WWP2: variants seen among roughly 807,000 people sequenced by gnomAD.
WWP2 encodes NEDD4-like E3 ubiquitin-protein ligase WWP2.
In WWP2, 57 loss-of-function variants were observed where a neutral mutation model predicts 121.0. The observed-to-expected ratio is 0.47, with a 90% CI of 0.38 to 0.59. The LOEUF is 0.59. Among genes scored for constraint, WWP2 ranks in the 20% least tolerant of loss-of-function variants. The pLI is 0.00. For synonymous variants in WWP2, 449 were observed against 441.3 expected, an observed-to-expected ratio of 1.02 and a Z score of -0.22; for missense variants, 962 against 1,158.9, an observed-to-expected ratio of 0.83 and a Z score of 2.47.
chr16:69,885,260 A>G (rs1258633513), intron 7 of WWP2, among the ~76,000 whole-genome samples: 1 of 152,162 alleles, frequency 6.6e-6, no homozygotes, highest in African/African-American at 2.4e-5. Flanking sequence ...ATTGAGTAAA[A>G]TGTATAGCTG....
At chr16:69,912,998 T>A (rs1443165824) in intron 9 of WWP2, among the ~76,000 whole-genome samples, 28 of 1,906 alleles carry the variant, frequency 0.015, no homozygotes, top group Non-Finnish European at 0.018. Context: ...ATATATATTT[T>A]TTTTTTTTTT....
At chr16:69,885,422 G>A (rs889898264) in intron 7 of WWP2, among the ~76,000 whole-genome samples, 2 of 152,196 alleles carry the variant, frequency 1.3e-5, no homozygotes, top group Non-Finnish European at 1.5e-5. Flanking sequence ...TGTGTACCAG[G>A]CAATATTTTA....
At position 69,772,750 on chromosome 16, in the gene WWP2, C is replaced by T. The variant is rs145912696; in HGVS notation, c.-16+10359C>T. On this transcript the variant is annotated intron_variant, in intron 1 of 23. Transcript: ENST00000359154. ...GGGGAGGTGCTTTTGGTGCCTCTTC[C>T]CTGTTTCAGCCAGTCTTCAGTCTGG... Among the ~76,000 whole-genome samples, 985 of 152,082 alleles carry T rather than the reference C, an allele frequency of 6.5e-3. 14 individuals are homozygous for T. Among genetic ancestry groups the T allele is most frequent in the African/African-American group, 0.023 (947 of 41,466 alleles).
At chr16:69,762,425 T>C (rs1417027024) in intron 1 of WWP2, 34 bp downstream of exon 1, 1 of 135,882 alleles carries the variant, frequency 7.4e-6, no homozygotes, top group African/African-American at 2.7e-5. Context: ...CGCGGTGGGC[T>C]GGCTGCCTGC....
rs1001325808 is a variant in WWP2, at chr16:69,931,646, C to T, written c.1593+66C>T. The T allele has an allele frequency of 5.0e-6, 8 of 1,603,448 alleles. No individual in the cohort carries two copies. The Admixed American group carries it at 8.3e-5, about 17-fold the overall frequency. ...CTCCTCCCAGCACCCCATCTCCTAT[C>T]GCGTGGCCTGTTAAACCCACACTGC... On this transcript the variant is annotated intron_variant, in intron 15 of 23. Coordinates refer to ENST00000359154, the MANE Select transcript of WWP2 (RefSeq NM_001270454.2).
intron 1 of WWP2, among the ~76,000 whole-genome samples, chr16:69,784,091 C>CTTTTTT (rs61650147): frequency 9.9e-5 from 6 of 60,862 alleles, no homozygotes; most frequent in African/African-American, 2.0e-4. Flanking sequence ...TTCTTTCTTT[C>CTTTTTT]TTTTTTTTTT....
At chr16:69,863,609 C>G (rs746118048) in intron 6 of WWP2, among the ~76,000 whole-genome samples, 18 of 152,198 alleles carry the variant, frequency 1.2e-4, no homozygotes, top group Non-Finnish European at 2.2e-4. Context: ...CCACTTCACT[C>G]CAGCCTGGGT....
At chr16:69,830,297 G>T (rs1451581142) in intron 4 of WWP2, among the ~76,000 whole-genome samples, 4 of 151,990 alleles carry the variant, frequency 2.6e-5, no homozygotes, top group African/African-American at 9.7e-5. Flanking sequence ...TCACTTTGTT[G>T]CCCAGGCTGG....
At chr16:69,773,725 GCCCACATCAGCCT>G (rs2055467113) in intron 1 of WWP2, among the ~76,000 whole-genome samples, 1 of 150,412 alleles carries the variant, frequency 6.6e-6, no homozygotes, top group East Asian at 2.0e-4. Context: ...CAAGCAGTCT[GCCCACATCAGCCT>G]CCCAAAGTGC....
rs377273614 is a variant in WWP2 at position 69,793,569 on chromosome 16, G to A, written c.71-5113G>A. 9.9e-5 allele frequency among the ~76,000 whole-genome samples: 15 copies of A among 152,024 alleles called. No homozygotes were observed. In the East Asian group the frequency reaches 1.5e-3, roughly 16 times the overall value. ...TGGTTGGGGATGAGATTATAGAGGT[G>A]TGGAAAATGGTCCTGTGCTGAGTCC... On this transcript the variant is annotated intron_variant, in intron 2 of 23. Coordinates refer to ENST00000359154, the MANE Select transcript of WWP2 (RefSeq NM_001270454.2).
intron 4 of WWP2, among the ~76,000 whole-genome samples, chr16:69,818,181 G>T (rs918865110): frequency 9.9e-5 from 15 of 151,308 alleles, no homozygotes; most frequent in African/African-American, 3.1e-4. Context: ...TTATATTTTA[G>T]ATTTTATTTT....
At chr16:69,780,967 G>A (rs2055652023) in intron 1 of WWP2, among the ~76,000 whole-genome samples, 1 of 152,208 alleles carries the variant, frequency 6.6e-6, no homozygotes, top group African/African-American at 2.4e-5. Context: ...GGTCAAGGTT[G>A]TAGTGAGCTA....
chr16:69,792,695 ATTC>A (rs1005396519), intron 2 of WWP2, among the ~76,000 whole-genome samples: 1 of 152,108 alleles, frequency 6.6e-6, no homozygotes, highest in African/African-American at 2.4e-5. Flanking sequence ...CTTATGTAGT[ATTC>A]TTCTTTCTTT....
chr16:69,866,514 CAATT>C (rs1209709888), intron 6 of WWP2, among the ~76,000 whole-genome samples: 1 of 152,030 alleles, frequency 6.6e-6, no homozygotes, highest in Non-Finnish European at 1.5e-5. Flanking sequence ...CTTTCTCACT[CAATT>C]AGTTTGGCTA....
chr16:69,818,802 G>C (rs1376099797), intron 4 of WWP2, among the ~76,000 whole-genome samples: 1 of 152,058 alleles, frequency 6.6e-6, no homozygotes, highest in Admixed American at 6.6e-5. Flanking sequence ...GGTGCTCCAT[G>C]GTGGCTTTGT....
intron 8 of WWP2, among the ~76,000 whole-genome samples, chr16:69,894,297 T>A (rs991697350): frequency 2.0e-5 from 3 of 150,888 alleles, no homozygotes; most frequent in African/African-American, 7.3e-5. Flanking sequence ...CCCATGCGGA[T>A]CTCAAACTCC....
At chr16:69,878,745 C>T (rs2151926040) in intron 7 of WWP2, among the ~76,000 whole-genome samples, 1 of 152,252 alleles carries the variant, frequency 6.6e-6, no homozygotes, top group South Asian at 2.1e-4. Flanking sequence ...GTTAATGTTC[C>T]ATAATTCATC....
chr16:69,939,564 G>A, intron 23 of WWP2, 151 bp downstream of exon 23: 3 of 773,800 alleles, frequency 3.9e-6, no homozygotes, highest in South Asian at 3.6e-5. Context: ...GGCTGTGATG[G>A]GCATCTGATC....
intron 4 of WWP2, among the ~76,000 whole-genome samples, chr16:69,825,374 A>C (rs1597007129): frequency 6.6e-6 from 1 of 151,192 alleles, no homozygotes; most frequent in Non-Finnish European, 1.5e-5. Context: ...CAGTGAGTTG[A>C]GATGGTGCCA....
Sources: gnomAD v4.1 joint callset for allele counts (sites outside exome capture counted in the v4.1 genomes callset) on GRCh38, gnomAD v4.1.1 for gene constraint, MANE v1.5 for transcripts, NCBI Gene and HGNC (gene_info 2026-07-23, HGNC 2026-07-21) for gene names.